Variants in KCNG2 observed in about 807,000 individuals in gnomAD.
The protein encoded by KCNG2 is voltage-gated potassium channel regulatory subunit KCNG2.
KCNG2 carries 7 observed loss-of-function variants against 12.3 expected under a neutral mutation model. The ratio of observed to expected loss-of-function variants is 0.57; its 90% CI spans 0.32 to 1.07. KCNG2 has a LOEUF of 1.07. Among genes scored for constraint, KCNG2 ranks in the 50% least tolerant of loss-of-function variants. The probability of loss-of-function intolerance (pLI) is 0.04; values close to 1 mark genes in which losing one functional copy is unlikely to be tolerated. For missense variants in KCNG2, 703 were observed against 726.0 expected, an observed-to-expected ratio of 0.97 and a Z score of 0.36; for synonymous variants, 414 against 351.4, an observed-to-expected ratio of 1.18 and a Z score of -1.99.
At position 79,814,601 on chromosome 18, in the gene KCNG2, A is replaced by G. The variant is rs543676493; in HGVS notation, c.-115+16587A>G. On this transcript the variant is annotated intron_variant, in intron 1 of 3. Transcript: ENST00000316249. The stretch of plus-strand genomic sequence containing the variant: ...TTTTACAGAGCTGGGAGGGGGTGGC[A>G]GGAGTGACACTGCCTGCGTGGGTCA... Among the ~76,000 whole-genome samples, 111 of 152,318 alleles carry G rather than the reference A, an allele frequency of 7.3e-4. 1 individual carries two copies. Among genetic ancestry groups the G allele is most frequent in the African/African-American group, 2.2e-3 (91 of 41,580 alleles).
At chr18:79,855,299 T>G (rs1312363700) in intron 1 of KCNG2, among the ~76,000 whole-genome samples, 1 of 152,160 alleles carries the variant, frequency 6.6e-6, no homozygotes, top group Admixed American at 6.5e-5. Context: ...GGCTGCAAAC[T>G]TCTTTGCTCT....
rs192073223 is a variant in KCNG2, at chr18:79,854,183, G to A, written c.-114-2196G>A. Among the ~76,000 whole-genome samples the A allele has an allele frequency of 5.3e-4, 80 of 152,336 alleles. No homozygotes were observed. In the East Asian group the frequency reaches 0.013, roughly 25 times the overall value. On this transcript the variant is annotated intron_variant, in intron 1 of 3. Transcript: ENST00000316249. ...CCTGTCCACAGGAGGAGCAGAGCCC[G>A]GCCTTCTGCTTCCATCACTGCCCGG...
chr18:79,840,538 ATAAAAATTTGAGGTTAAAATCCCAG>A, intron 1 of KCNG2, among the ~76,000 whole-genome samples: 1 of 152,218 alleles, frequency 6.6e-6, no homozygotes, highest in Non-Finnish European at 1.5e-5. Flanking sequence ...CCAAATTGAT[ATAAAAATTTGAGGTTAAAATCCCAG>A]TGATTTAAAA....
In KCNG2 at chr18:79,871,426, G is replaced by A. The variant is rs531137294; in HGVS notation, c.624+7135G>A. ...CTGAGCACCAGCTGGCAGGTTCTGC[G>A]TTCAGAGCTGATTTCTTCAGAAAGA... On this transcript the variant is annotated intron_variant, in intron 3 of 3. Coordinates refer to ENST00000316249, the MANE Select transcript of KCNG2 (RefSeq NM_012283.2). 3.9e-5 allele frequency among the ~76,000 whole-genome samples: 6 copies of A among 152,336 alleles called. No homozygotes were observed. The East Asian group carries it at 9.7e-4, about 25-fold the overall frequency.
chr18:79,809,920 C>T (rs546628681), intron 1 of KCNG2, among the ~76,000 whole-genome samples: 29 of 152,302 alleles, frequency 1.9e-4, no homozygotes, highest in Admixed American at 4.6e-4. Context: ...TCCAACTTTC[C>T]GGGGCTCATG....
chr18:79,855,602 A>G (rs138405297), intron 1 of KCNG2, among the ~76,000 whole-genome samples: 162 of 152,014 alleles, frequency 1.1e-3, no homozygotes, highest in East Asian at 0.01. Flanking sequence ...GACACACAGC[A>G]TTGTTTTTGA....
At chr18:79,862,938 C>T (rs1014491396) in intron 2 of KCNG2, among the ~76,000 whole-genome samples, 1 of 152,194 alleles carries the variant, frequency 6.6e-6, no homozygotes, top group Non-Finnish European at 1.5e-5. Flanking sequence ...TTGCTGTCCC[C>T]GCAGAGCTGG....
At position 79,899,045 on chromosome 18, in the gene KCNG2, G is replaced by C. The variant is rs200870939; in HGVS notation, c.630G>C (p.Glu210Asp). ...PDIRAEEERGECSPKCRSLFV... is the reference protein window; with the variant it reads ...PDIRAEEERGDCSPKCRSLFV... The stretch of plus-strand genomic sequence containing the variant: ...CGTGTCCCCTCTCCCCGCAGGGCGA[G>C]TGCTCCCCCAAGTGCCGCAGCCTGT... The change falls in exon 4 of 4, where the codon GAG becomes GAC. Residue 210 changes from glutamate (E) to aspartate (D), a missense_variant. Transcript: ENST00000316249. 2.2e-4 allele frequency: 347 copies of C among 1,559,788 alleles called. No individual in the cohort carries two copies. The highest frequency in any genetic ancestry group is 2.9e-4 in the Non-Finnish European group (332 of 1,156,254).
chr18:79,851,056 A>C (rs937067930), intron 1 of KCNG2, among the ~76,000 whole-genome samples: 5 of 152,200 alleles, frequency 3.3e-5, no homozygotes, highest in African/African-American at 1.2e-4. Flanking sequence ...TGCCGTGTGC[A>C]GCAAAAGCAA....
chr18:79,837,941 A>G (rs1246611909), intron 1 of KCNG2, among the ~76,000 whole-genome samples: 1 of 152,198 alleles, frequency 6.6e-6, no homozygotes, highest in Non-Finnish European at 1.5e-5. Context: ...TATGAAGAAA[A>G]AAGGTTTAAT....
intron 3 of KCNG2, among the ~76,000 whole-genome samples, chr18:79,865,047 G>A (rs1300857939): frequency 2.0e-5 from 3 of 150,634 alleles, no homozygotes; most frequent in African/African-American, 7.3e-5. Context: ...TGAGAAGTTT[G>A]GGTGCTGAGG....
At chr18:79,816,108 T>C (rs2087525916) in intron 1 of KCNG2, 1 of 152,262 alleles carries the variant, frequency 6.6e-6, no homozygotes, top group African/African-American at 2.4e-5. Context: ...TTAGACAAAC[T>C]GATGTAGAGA....
chr18:79,859,058 A>G (rs958213949), intron 2 of KCNG2, among the ~76,000 whole-genome samples: 1 of 152,028 alleles, frequency 6.6e-6, no homozygotes, highest in South Asian at 2.1e-4. Context: ...GATATACAAG[A>G]GTTTCATTGG....
rs1226647503 is a variant in KCNG2 at position 79,865,528 on chromosome 18, T to TGG, written c.624+1238_624+1239insGG. Among the ~76,000 whole-genome samples the TGG allele has an allele frequency of 2.8e-3, 242 of 85,498 alleles. 21 individuals carry two copies. The highest frequency in any genetic ancestry group is 8.2e-3 in the African/African-American group (225 of 27,534). 56.1% of individuals were successfully genotyped at this position (85,498 alleles called of 152,430 possible). ...GCTGAGAGGTCTGGGTGCTGAGGTC[T>TGG]GTGTGCTGAGAGGTCTGGGTGCTGA... On this transcript the variant is annotated intron_variant, in intron 3 of 3. Coordinates refer to ENST00000316249, the MANE Select transcript of KCNG2 (RefSeq NM_012283.2).
At chr18:79,849,312 C>A (rs1300955580) in intron 1 of KCNG2, among the ~76,000 whole-genome samples, 1 of 152,216 alleles carries the variant, frequency 6.6e-6, no homozygotes, top group Non-Finnish European at 1.5e-5. Flanking sequence ...GGCGACGTCC[C>A]GGGCAGCAGA....
chr18:79,865,001 C>CTGTGTGCTGAGAGTG (rs1979410760), intron 3 of KCNG2, among the ~76,000 whole-genome samples: 1 of 107,844 alleles, frequency 9.3e-6, no homozygotes, highest in South Asian at 2.9e-4. Flanking sequence ...GCTGAGAGGT[C>CTGTGTGCTGAGAGTG]TGGGTGCTGA....
At position 79,852,263 on chromosome 18, in the gene KCNG2, A is replaced by G. The variant is rs533437554; in HGVS notation, c.-114-4116A>G. On this transcript the variant is annotated intron_variant, in intron 1 of 3. Coordinates refer to ENST00000316249, the MANE Select transcript of KCNG2 (RefSeq NM_012283.2). ...TTTCCCAAGCGCCCGCCCCGGGGAA[A>G]ACGTGGCGTGGGCATCGTTATTTCC... Among the ~76,000 whole-genome samples, 37 of 152,320 alleles carry G rather than the reference A, an allele frequency of 2.4e-4. 1 individual carries two copies.
In KCNG2 at chr18:79,802,397, T is replaced by C. The variant is rs563399399; in HGVS notation, c.-115+4383T>C. ...GCCTCAACACCTGTCCCAGCCGTGC[T>C]GCTCTGGTCCGGAGAGCCTGGCCTT... On this transcript the variant is annotated intron_variant, in intron 1 of 3. Coordinates refer to ENST00000316249, the MANE Select transcript of KCNG2 (RefSeq NM_012283.2). 1.1e-4 allele frequency among the ~76,000 whole-genome samples: 16 copies of C among 150,994 alleles called. No individual in the cohort carries two copies. In the South Asian group the frequency reaches 1.7e-3, roughly 16 times the overall value.
intron 1 of KCNG2, among the ~76,000 whole-genome samples, chr18:79,844,448 G>A (rs1294236203): frequency 6.6e-6 from 1 of 152,180 alleles, no homozygotes; most frequent in East Asian, 1.9e-4. Flanking sequence ...AGTTATACAA[G>A]ATTAATCACT....
Sources: gnomAD v4.1 joint callset for allele counts (sites outside exome capture counted in the v4.1 genomes callset) on GRCh38, gnomAD v4.1.1 for gene constraint, MANE v1.5 for transcripts, NCBI Gene and HGNC (gene_info 2026-07-23, HGNC 2026-07-21) for gene names.